Variants in WDR33 observed in about 807,000 individuals in gnomAD.
WDR33 encodes the protein WD repeat domain 33.
In WDR33, 47 loss-of-function variants were observed where a neutral mutation model predicts 164.9. The ratio of observed to expected loss-of-function variants is 0.29; its 90% CI spans 0.23 to 0.36. The LOEUF is 0.36. WDR33 is among the 10% of genes least tolerant of loss of function. The pLI is 1.00. For missense variants in WDR33, 1,137 were observed against 1,754.1 expected (o/e 0.65, Z 6.28); for synonymous variants, 505 against 589.0 (o/e 0.86, Z 2.06).
chr2:127,791,173 C>G (rs111373727), intron 1 of WDR33, among the ~76,000 whole-genome samples: 9 of 119,060 alleles, frequency 7.6e-5, no homozygotes, highest in South Asian at 3.7e-4. Context: ...CACCCCCCCC[C>G]CCAGCAACTG....
At chr2:127,777,502 G>A (rs1379292412) in intron 1 of WDR33, among the ~76,000 whole-genome samples, 2 of 152,154 alleles carry the variant, frequency 1.3e-5, no homozygotes, top group Non-Finnish European at 2.9e-5. Context: ...TGAGTTCCAT[G>A]CCTCAAAAAT....
At chr2:127,797,178 T>C (rs1375547824) in intron 1 of WDR33, among the ~76,000 whole-genome samples, 1 of 151,058 alleles carries the variant, frequency 6.6e-6, no homozygotes, top group Non-Finnish European at 1.5e-5. Context: ...ATATAACTGA[T>C]AAATGTTAGC....
intron 7 of WDR33, among the ~76,000 whole-genome samples, chr2:127,749,531 A>G (rs376758064): frequency 6.6e-6 from 1 of 151,694 alleles, no homozygotes; most frequent in South Asian, 2.1e-4. Context: ...GCATGGTGGC[A>G]GACACCTGTA....
chr2:127,715,930 G>T (rs558538130), intron 17 of WDR33, among the ~76,000 whole-genome samples: 16 of 152,270 alleles, frequency 1.1e-4, no homozygotes, highest in Admixed American at 7.8e-4. Flanking sequence ...AGGAGGAAGA[G>T]AAAGAAAGGG....
intron 1 of WDR33, among the ~76,000 whole-genome samples, chr2:127,782,970 C>T (rs1688427125): frequency 6.6e-6 from 1 of 152,174 alleles, no homozygotes. Flanking sequence ...GATCATGCCA[C>T]TGCACACCAG....
chr2:127,704,209 TG>T lies in WDR33; in HGVS notation c.*2113del, dbSNP rs1343776603. 2 of 166,622 alleles carry T rather than the reference TG, an allele frequency of 1.2e-5. No homozygotes were observed. Among genetic ancestry groups the T allele is most frequent in the Non-Finnish European group, 2.9e-5 (2 of 68,076 alleles). The allele number at this position is 166,622 out of a possible 1,614,324, so 10.3% of individuals were successfully genotyped here. A position where few individuals can be genotyped will look rare whatever the true frequency, so the allele number is the denominator to read the frequency against. ...CATCTAGTATGTATGCTGACAGTGATGTTTTTAAATGCCATATATATTTAAT... is the reference window on the plus strand; with the variant it reads ...CATCTAGTATGTATGCTGACAGTGATTTTTTAAATGCCATATATATTTAAT... On this transcript the variant is annotated 3_prime_UTR_variant, in exon 22 of 22. Coordinates refer to ENST00000322313, the MANE Select transcript of WDR33 (RefSeq NM_018383.5).
At chr2:127,802,505 C>T (rs1203711364) in intron 1 of WDR33, among the ~76,000 whole-genome samples, 7 of 152,112 alleles carry the variant, frequency 4.6e-5, no homozygotes, top group African/African-American at 1.7e-4. Flanking sequence ...TGGTCTCAAA[C>T]TCCTGACCCC....
Position 127,719,290 on chromosome 2 carries a change from T to C in WDR33, c.2735A>G (p.Asp912Gly). Residue 912 changes from aspartate (D) to glycine (G), a missense_variant, in exon 16 of 22, where the codon GAT (aspartate) becomes GGT (glycine). Transcript: ENST00000322313. This position sits in a 1 kb window ranked among gnomAD's most constrained non-coding sequence, Gnocchi z 6.5. ...CTGGTTGAAGGGGGCCCGGGGCCCA[T>C]CACCTAGCAGAGGCGTTTTCTGTTG... ...FQQQKTPLLGDGPRAPFNQEG... is the reference protein window; with the variant it reads ...FQQQKTPLLGGGPRAPFNQEG... 1 of 1,447,800 alleles carries C rather than the reference T, an allele frequency of 6.9e-7. No individual in the cohort carries two copies. The highest frequency in any genetic ancestry group is 9.1e-7 in the Non-Finnish European group (1 of 1,098,512). 89.7% of individuals were successfully genotyped at this position (1,447,800 alleles called of 1,614,324 possible). A position where few individuals can be genotyped will look rare whatever the true frequency, so the allele number is the denominator to read the frequency against.
rs921172984 is a variant in WDR33, at chr2:127,705,341, A to G, written c.*982T>C. ...AAGGAATTTGCCATGGACAAGATCT[A>G]TCTGGCTTACTGTGAGTTAGAAGTA... On this transcript the variant is annotated 3_prime_UTR_variant, in exon 22 of 22. Transcript: ENST00000322313. This position sits in a 1 kb window ranked among gnomAD's most constrained non-coding sequence, Gnocchi z 4.5. 2 of 160,054 alleles carry G rather than the reference A, an allele frequency of 1.2e-5. No individual in the cohort carries two copies. Among genetic ancestry groups the G allele is most frequent in the African/African-American group, 2.4e-5 (1 of 41,468 alleles). The allele number at this position is 160,054 out of a possible 1,614,324, so 9.9% of individuals were successfully genotyped here. A position where few individuals can be genotyped will look rare whatever the true frequency, so the allele number is the denominator to read the frequency against.
chr2:127,750,065 C>G (rs1452242485), intron 7 of WDR33, among the ~76,000 whole-genome samples: 1 of 152,040 alleles, frequency 6.6e-6, no homozygotes, highest in Admixed American at 6.5e-5. Context: ...ATTCTGCCAC[C>G]CAGGCTTGAG....
chr2:127,807,785 A>G (rs1689491296), intron 1 of WDR33, among the ~76,000 whole-genome samples: 1 of 152,242 alleles, frequency 6.6e-6, no homozygotes, highest in African/African-American at 2.4e-5. Context: ...ATACAAAAAT[A>G]TAAGGTACTA....
chr2:127,715,088 C>CTTTTTTTTTTTTT (rs386391178), intron 17 of WDR33, among the ~76,000 whole-genome samples: 38 of 108,570 alleles, frequency 3.5e-4, no homozygotes, highest in Non-Finnish European at 4.4e-4. Context: ...TTCTTTGTTT[C>CTTTTTTTTTTTTT]TTTTTTTTTT....
At chr2:127,804,150 T>C (rs1689353547) in intron 1 of WDR33, among the ~76,000 whole-genome samples, 1 of 151,804 alleles carries the variant, frequency 6.6e-6, no homozygotes, top group South Asian at 2.1e-4. Context: ...TGAAACCCTG[T>C]CTCTACTAAA....
intron 1 of WDR33, among the ~76,000 whole-genome samples, chr2:127,776,043 T>A (rs1425303389): frequency 6.6e-6 from 1 of 152,224 alleles, no homozygotes; most frequent in Admixed American, 6.5e-5. Context: ...TGGCCGCTGT[T>A]AGGGGCTGAA....
chr2:127,800,632 G>A (rs1167953413), intron 1 of WDR33, among the ~76,000 whole-genome samples: 30 of 72,730 alleles, frequency 4.1e-4, no homozygotes, highest in Admixed American at 3.1e-3. Context: ...ATGAGACTCC[G>A]TCTCAAAAAA....
Position 127,701,499 on chromosome 2 carries a change from C to A in WDR33, c.*4824G>T. ...GCGGAGGGCCGGAAGTGAGCCGCAG[C>A]TTTTCCTTTCTGCCACCGCCTTGTC... On this transcript the variant is annotated 3_prime_UTR_variant, in exon 22 of 22. Coordinates refer to ENST00000322313, the MANE Select transcript of WDR33 (RefSeq NM_018383.5). The A allele has an allele frequency of 3.1e-6, 4 of 1,279,428 alleles. No homozygotes were observed. The South Asian group carries it at 1.1e-4, about 34-fold the overall frequency. 79.3% of individuals were successfully genotyped at this position (1,279,428 alleles called of 1,614,324 possible).
intron 7 of WDR33, among the ~76,000 whole-genome samples, chr2:127,753,923 T>A (rs937883883): frequency 1.3e-5 from 2 of 152,084 alleles, no homozygotes; most frequent in Admixed American, 1.3e-4. Flanking sequence ...ACCTACCTAG[T>A]AAAAAGCTAA....
At chr2:127,787,637 G>A (rs1317121555) in intron 1 of WDR33, among the ~76,000 whole-genome samples, 2 of 67,216 alleles carry the variant, frequency 3.0e-5, no homozygotes, top group Admixed American at 1.2e-4. Flanking sequence ...CTCACCTCCC[G>A]GACGGGGCGG....
chr2:127,717,149 A>AT lies in WDR33; in HGVS notation c.2869+5dup, dbSNP rs758528417. The AT allele has an allele frequency of 2.5e-6, 4 of 1,595,394 alleles. No individual in the cohort carries two copies. Among genetic ancestry groups the AT allele is most frequent in the Non-Finnish European group, 3.4e-6 (4 of 1,169,366 alleles). Reference sequence around the variant, plus strand: ...TAATCTTTTATTCAGCTGAGCAGATATTTACCTTTGTTGGGGCCAGGTCCT... The same window carrying AT: ...TAATCTTTTATTCAGCTGAGCAGATATTTTACCTTTGTTGGGGCCAGGTCCT... On this transcript the variant is annotated splice_donor_region_variant and intron_variant, in intron 17 of 21. Coordinates refer to ENST00000322313, the MANE Select transcript of WDR33 (RefSeq NM_018383.5). The surrounding 1 kb of genome is among the most constrained non-coding windows in gnomAD (Gnocchi z 5.6).
Sources: allele counts gnomAD v4.1 joint callset (sites outside exome capture counted in the v4.1 genomes callset), GRCh38; gene constraint gnomAD v4.1.1; non-coding constraint Gnocchi (gnomAD v3.1); transcripts MANE v1.5; gene names NCBI Gene and HGNC (gene_info 2026-07-23, HGNC 2026-07-21).